The following PLEKHA7 variants were observed in gnomAD, a reference collection of about 807,000 sequenced individuals.
The protein encoded by PLEKHA7 is pleckstrin homology domain containing A7, also known as pleckstrin homology domain-containing family A member 7.
In PLEKHA7, 104 loss-of-function variants were observed where a neutral mutation model predicts 170.0. That is an observed-to-expected ratio of 0.61 (90% CI 0.52 to 0.72). PLEKHA7 has a LOEUF of 0.72. Ranked by LOEUF, PLEKHA7 falls within the 30% of genes least tolerant of loss-of-function variation. The pLI is 0.00. For missense variants in PLEKHA7, 1,615 were observed against 1,671.7 expected (o/e 0.97, Z 0.59); for synonymous variants, 648 against 660.8 (o/e 0.98, Z 0.30).
Position 16,965,434 on chromosome 11 carries a change from G to C in PLEKHA7, c.221+48555C>G, listed in dbSNP as rs1446961347. On this transcript the variant is annotated intron_variant, in intron 3 of 26. Transcript: ENST00000531066. ...TCAATGGCAATGAGAAAGATATCTG[G>C]GGGAAATAACTCACAAAACCCACCA... 5.3e-5 allele frequency among the ~76,000 whole-genome samples: 8 copies of C among 152,248 alleles called. No homozygotes were observed. The East Asian group carries it at 9.6e-4, about 18-fold the overall frequency.
chr11:16,864,973 C>G (rs1373769442), intron 4 of PLEKHA7, among the ~76,000 whole-genome samples: 1 of 152,140 alleles, frequency 6.6e-6, no homozygotes, highest in East Asian at 1.9e-4. Flanking sequence ...CTTGCTAGCC[C>G]TTCTTGAAGA....
At chr11:16,845,127 T>C (rs1050913028) in intron 8 of PLEKHA7, among the ~76,000 whole-genome samples, 28 of 152,060 alleles carry the variant, frequency 1.8e-4, no homozygotes, top group African/African-American at 6.3e-4. Context: ...GCCATTTAAG[T>C]AATAGCAGGG....
chr11:16,851,701 G>A (rs1010098070), intron 7 of PLEKHA7, among the ~76,000 whole-genome samples: 13 of 151,920 alleles, frequency 8.6e-5, no homozygotes, highest in East Asian at 7.7e-4. Flanking sequence ...CACCTGCCTC[G>A]GCCTCCCAAA....
rs554624747 is a variant in PLEKHA7, at chr11:16,792,653, T to A, written c.2746-1454A>T. Among the ~76,000 whole-genome samples, 4 of 152,368 alleles carry A rather than the reference T, an allele frequency of 2.6e-5. No individual in the cohort carries two copies. The South Asian group carries it at 8.3e-4, about 32-fold the overall frequency. On this transcript the variant is annotated intron_variant, in intron 19 of 26. Transcript: ENST00000531066. ...CACAGGCTTCTGGTTGCTGGCAGTGTTCTATTTCTTAGTCTAGCTGTTGGT... is the reference window on the plus strand; with the variant it reads ...CACAGGCTTCTGGTTGCTGGCAGTGATCTATTTCTTAGTCTAGCTGTTGGT...
At chr11:16,859,036 A>G (rs1853714515) in intron 4 of PLEKHA7, among the ~76,000 whole-genome samples, 4 of 152,216 alleles carry the variant, frequency 2.6e-5, no homozygotes, top group Admixed American at 2.6e-4. Flanking sequence ...AAACACACCC[A>G]TAGAAAGCCT....
chr11:17,011,495 A>C (rs1369476001), intron 3 of PLEKHA7, among the ~76,000 whole-genome samples: 1 of 152,148 alleles, frequency 6.6e-6, no homozygotes, highest in Admixed American at 6.5e-5. Flanking sequence ...GATTTGCCTA[A>C]CTGACTCCCT....
intron 9 of PLEKHA7, among the ~76,000 whole-genome samples, chr11:16,831,144 G>A (rs976733949): frequency 3.9e-5 from 6 of 152,120 alleles, no homozygotes; most frequent in Non-Finnish European, 5.9e-5. Context: ...CATGGCTCCC[G>A]GGACTTACAT....
chr11:16,963,471 T>C (rs1862189960), intron 3 of PLEKHA7, among the ~76,000 whole-genome samples: 5 of 152,124 alleles, frequency 3.3e-5, no homozygotes, highest in Admixed American at 2.0e-4. Flanking sequence ...CAGAAACTAT[T>C]ACCTGTTTCT....
At chr11:16,960,915 C>T (rs1221824386) in intron 3 of PLEKHA7, among the ~76,000 whole-genome samples, 2 of 152,054 alleles carry the variant, frequency 1.3e-5, no homozygotes, top group Non-Finnish European at 2.9e-5. Context: ...CCCACAACTC[C>T]TTGAACCCAA....
intron 4 of PLEKHA7, among the ~76,000 whole-genome samples, chr11:16,869,221 T>C (rs549979423): frequency 6.6e-6 from 1 of 152,238 alleles, no homozygotes; most frequent in South Asian, 2.1e-4. Flanking sequence ...CTAGTATTAA[T>C]GCTTCCAAAG....
chr11:16,955,039 A>G (rs78209075), intron 3 of PLEKHA7, among the ~76,000 whole-genome samples: 2,615 of 152,270 alleles, frequency 0.017, 89 homozygotes, highest in African/African-American at 0.061. Context: ...GTTTTTGCAA[A>G]TGTCAGAGTA....
rs1426474602 is a variant in PLEKHA7 at position 16,794,630 on chromosome 11, G to A, written c.2603C>T (p.Pro868Leu). 6.2e-7 allele frequency: 1 copy of A among 1,613,940 alleles called. No individual in the cohort carries two copies. The highest frequency in any genetic ancestry group is 1.1e-5 in the South Asian group (1 of 91,060). Residue 868 changes from proline to leucine, a missense_variant, in exon 19 of 27, where the codon CCT (proline) becomes CTT (leucine). Physicochemically the swap from Pro to Leu is moderately conservative, Grantham distance 98. Transcript: ENST00000531066. The part of the protein sequence containing the change: ...SESKPPPQPS[P>L]PTSPVRTPLE... ...AGGGGTCCGCACAGGGCTGGTGGGA[G>A]GACTGGGCTGTGGGGGCGGCTTGCT...
At chr11:16,906,654 T>G (rs177548) in intron 3 of PLEKHA7, among the ~76,000 whole-genome samples, 4,406 of 113,680 alleles carry the variant, frequency 0.039, 157 homozygotes, top group African/African-American at 0.11. Context: ...TGGAGTGCAG[T>G]GGCGTGATCT....
intron 26 of PLEKHA7, among the ~76,000 whole-genome samples, chr11:16,779,248 G>T (rs2134093770): frequency 1.3e-5 from 2 of 152,260 alleles, no homozygotes; most frequent in African/African-American, 4.8e-5. Context: ...CCCTAAATTG[G>T]GTCCCCATCC....
At chr11:16,956,176 T>C (rs1338499941) in intron 3 of PLEKHA7, among the ~76,000 whole-genome samples, 1 of 152,182 alleles carries the variant, frequency 6.6e-6, no homozygotes, top group Non-Finnish European at 1.5e-5. Context: ...TGTGTACACA[T>C]ACGTACCTAT....
intron 3 of PLEKHA7, among the ~76,000 whole-genome samples, chr11:16,957,697 C>CTTTTTTTTTTCTTTTT (rs58942054): frequency 1.5e-4 from 13 of 87,302 alleles, no homozygotes; most frequent in African/African-American, 6.6e-4. Flanking sequence ...TAATTTTTTT[C>CTTTTTTTTTTCTTTTT]TTTTTTTTTT....
intron 10 of PLEKHA7, among the ~76,000 whole-genome samples, 171 bp downstream of exon 10, chr11:16,825,949 T>C (rs1048599567): frequency 1.6e-4 from 24 of 152,074 alleles, no homozygotes; most frequent in African/African-American, 5.5e-4. Context: ...AGTTTCTGTC[T>C]ATAAGTTAGG....
intron 3 of PLEKHA7, among the ~76,000 whole-genome samples, chr11:16,967,300 G>GT (rs1862432123): frequency 2.0e-5 from 3 of 152,210 alleles, no homozygotes; most frequent in African/African-American, 7.2e-5. Flanking sequence ...CTCTAGGATA[G>GT]CGCAGAAACC....
intron 3 of PLEKHA7, among the ~76,000 whole-genome samples, chr11:17,009,792 T>C (rs992581876): frequency 3.3e-5 from 5 of 152,038 alleles, no homozygotes; most frequent in African/African-American, 1.2e-4. Flanking sequence ...CATACCACCA[T>C]TAATTTTTTC....
Sources: allele counts gnomAD v4.1 joint callset (sites outside exome capture counted in the v4.1 genomes callset), GRCh38; gene constraint gnomAD v4.1.1; transcripts MANE v1.5; gene names NCBI Gene and HGNC (gene_info 2026-07-23, HGNC 2026-07-21).